Variants in C5orf47 observed in about 807,000 individuals in gnomAD.
C5orf47 encodes uncharacterized protein C5orf47.
Under a neutral mutation model 20.6 loss-of-function variants are expected in C5orf47, and 20 were observed. That is an observed-to-expected ratio of 0.97 (90% CI 0.68 to 1.41). C5orf47 has a LOEUF of 1.41. Among genes scored for constraint, C5orf47 ranks in the 40% most tolerant of loss-of-function variants. The pLI, the probability that C5orf47 is intolerant of heterozygous loss-of-function variation, is 0.00. For missense variants in C5orf47, 262 were observed against 238.4 expected (o/e 1.10, Z -0.65); for synonymous variants, 106 against 97.3 (o/e 1.09, Z -0.53).
rs1759279326 is a variant in C5orf47 at position 174,005,717 on chromosome 5, TAGTGAA to T, written c.*1464_*1469del. The T allele has an allele frequency of 6.6e-6, 1 of 152,386 alleles. No homozygotes were observed. The highest frequency in any genetic ancestry group is 2.1e-4 in the South Asian group (1 of 4,838). The allele number at this position is 152,386 out of a possible 1,614,324, so 9.4% of individuals were successfully genotyped here. On this transcript the variant is annotated 3_prime_UTR_variant, in exon 5 of 5. Coordinates refer to ENST00000340147, the MANE Select transcript of C5orf47 (RefSeq NM_001144954.2). ...GTAATTTATGCTGCATAAAGTTTTG[TAGTGAA>T]TGTGTATGAGAGTTTTAGGTTTGCT...
rs186160409 is a variant in C5orf47, at chr5:173,997,939, G to A, written c.326-214G>A. The stretch of plus-strand genomic sequence containing the variant: ...AAAGGAAGACTGAACTAGCTGGATG[G>A]TTTTCTGGGTACTTGCCAGATTATG... On this transcript the variant is annotated intron_variant, in intron 1 of 4. Coordinates refer to ENST00000340147, the MANE Select transcript of C5orf47 (RefSeq NM_001144954.2). 1.3e-4 allele frequency among the ~76,000 whole-genome samples: 20 copies of A among 152,262 alleles called. No homozygotes were observed. The East Asian group carries it at 3.9e-3, about 29-fold the overall frequency.
chr5:173,990,235 C>T (rs1437432497), intron 1 of C5orf47, among the ~76,000 whole-genome samples: 5 of 149,322 alleles, frequency 3.3e-5, no homozygotes, highest in Admixed American at 6.7e-5. Flanking sequence ...ACCTCAGCCT[C>T]CCGAGTAGCT....
intron 3 of C5orf47, among the ~76,000 whole-genome samples, chr5:174,000,347 C>T (rs1390987150): frequency 6.6e-6 from 1 of 151,860 alleles, no homozygotes; most frequent in Non-Finnish European, 1.5e-5. Context: ...GTGGTCAGAG[C>T]GAAATTAGAT....
chr5:173,995,828 T>TG lies in C5orf47; in HGVS notation c.326-2321dup, dbSNP rs562579141. Reference sequence around the variant, plus strand: ...ATAGTCACTGAAGATTTTTGAATGGTGGGGTGGAGTAAAGTTATCAGAGAC... The same window carrying TG: ...ATAGTCACTGAAGATTTTTGAATGGTGGGGGTGGAGTAAAGTTATCAGAGAC... On this transcript the variant is annotated intron_variant, in intron 1 of 4. Transcript: ENST00000340147. 1.0e-3 allele frequency among the ~76,000 whole-genome samples: 159 copies of TG among 152,286 alleles called. No individual in the cohort carries two copies. The South Asian group carries it at 0.015, about 14-fold the overall frequency.
rs969480183 is a variant in C5orf47, at chr5:173,989,177, C to G, written c.-87C>G. On this transcript the variant is annotated 5_prime_UTR_variant, in exon 1 of 5. Transcript: ENST00000340147. Reference sequence around the variant, plus strand: ...GCAGGGTGGTCTGGCCCTAACCGCTCCCGCATCCCTCGCCTGCACAGTGGG... The same window carrying G: ...GCAGGGTGGTCTGGCCCTAACCGCTGCCGCATCCCTCGCCTGCACAGTGGG... 2.4e-6 allele frequency: 3 copies of G among 1,232,826 alleles called. No individual in the cohort carries two copies. Among genetic ancestry groups the G allele is most frequent in the Admixed American group, 8.1e-5 (2 of 24,654 alleles). The allele number at this position is 1,232,826 out of a possible 1,614,324, so 76.4% of individuals were successfully genotyped here. A position where few individuals can be genotyped will look rare whatever the true frequency, so the allele number is the denominator to read the frequency against.
At position 174,001,228 on chromosome 5, in the gene C5orf47, TCTG is replaced by T; in HGVS notation, c.*14_*16del. 6.9e-7 allele frequency: 1 copy of T among 1,444,646 alleles called. No individual in the cohort carries two copies. Among genetic ancestry groups the T allele is most frequent in the Non-Finnish European group, 9.5e-7 (1 of 1,055,506 alleles). 89.5% of individuals were successfully genotyped at this position (1,444,646 alleles called of 1,614,324 possible). Reference sequence around the variant, plus strand: ...TTACACAAGATGAATCTTCTTATCTTCTGGTAAGAATTTATTTACGTAATAATT... The same window carrying T: ...TTACACAAGATGAATCTTCTTATCTTGTAAGAATTTATTTACGTAATAATT... On this transcript the variant is annotated splice_region_variant and 3_prime_UTR_variant, in exon 4 of 5. Transcript: ENST00000340147.
chr5:173,998,111 C>T, intron 1 of C5orf47, 42 bp from the exon 2 acceptor site: 1 of 1,141,844 alleles, frequency 8.8e-7, no homozygotes. Context: ...GATAGTAAAT[C>T]CTTATATATG....
intron 2 of C5orf47, 46 bp from the exon 3 acceptor site, chr5:173,999,654 C>G (rs1759161248): frequency 1.1e-6 from 1 of 900,974 alleles, no homozygotes. Context: ...AAAATATATT[C>G]CTACTTTTCT....
chr5:173,997,941 T>G (rs558097034), intron 1 of C5orf47, among the ~76,000 whole-genome samples: 7 of 152,264 alleles, frequency 4.6e-5, no homozygotes, highest in Non-Finnish European at 8.8e-5. Flanking sequence ...GCTGGATGGT[T>G]TTCTGGGTAC....
intron 1 of C5orf47, among the ~76,000 whole-genome samples, chr5:173,992,182 A>G (rs1305563259): frequency 6.9e-6 from 1 of 145,424 alleles, no homozygotes; most frequent in Non-Finnish European, 1.5e-5. Context: ...ATATATGTGC[A>G]CTCTGTCTTT....
At chr5:173,993,608 C>T (rs1759037846) in intron 1 of C5orf47, among the ~76,000 whole-genome samples, 1 of 152,132 alleles carries the variant, frequency 6.6e-6, no homozygotes, top group Non-Finnish European at 1.5e-5. Flanking sequence ...CGTGCCACTG[C>T]ACTCCAGCCT....
chr5:173,989,959 C>T (rs1039129321), intron 1 of C5orf47, among the ~76,000 whole-genome samples: 2 of 152,186 alleles, frequency 1.3e-5, no homozygotes, highest in Non-Finnish European at 2.9e-5. Flanking sequence ...ACAGCATGAG[C>T]TTTACGTTTA....
chr5:173,996,692 T>C (rs1759105300), intron 1 of C5orf47, among the ~76,000 whole-genome samples: 1 of 152,230 alleles, frequency 6.6e-6, no homozygotes, highest in African/African-American at 2.4e-5. Context: ...TTTAAATTAT[T>C]ACTTCAGTGG....
intron 1 of C5orf47, among the ~76,000 whole-genome samples, chr5:173,990,892 A>G (rs1379422511): frequency 6.6e-6 from 1 of 151,240 alleles, no homozygotes; most frequent in Non-Finnish European, 1.5e-5. Flanking sequence ...GCTTTATTAA[A>G]CTATAGTTCA....
chr5:174,003,375 A>G (rs1164980702), intron 4 of C5orf47, among the ~76,000 whole-genome samples: 4 of 152,304 alleles, frequency 2.6e-5, no homozygotes, highest in Non-Finnish European at 5.9e-5. Context: ...GAGAGGAGAT[A>G]GATGATCAGG....
intron 1 of C5orf47, among the ~76,000 whole-genome samples, chr5:173,994,320 C>A (rs1406953317): frequency 1.3e-5 from 2 of 152,210 alleles, no homozygotes; most frequent in Admixed American, 1.3e-4. Flanking sequence ...ATCTGACTGG[C>A]AGCAGACCAC....
intron 4 of C5orf47, among the ~76,000 whole-genome samples, chr5:174,001,948 T>TC (rs1759205091): frequency 7.4e-6 from 1 of 135,002 alleles, no homozygotes; most frequent in African/African-American, 3.0e-5. Flanking sequence ...ATCTTTTTTC[T>TC]TTTTTTTTTC....
chr5:174,004,510 A>C lies in C5orf47; in HGVS notation c.*256A>C, dbSNP rs937193959. 3.0e-4 allele frequency: 45 copies of C among 152,258 alleles called. No homozygotes were observed. Among genetic ancestry groups the C allele is most frequent in the African/African-American group, 1.1e-3 (44 of 41,452 alleles). The allele number at this position is 152,258 out of a possible 1,614,324, so 9.4% of individuals were successfully genotyped here. A position where few individuals can be genotyped will look rare whatever the true frequency, so the allele number is the denominator to read the frequency against. On this transcript the variant is annotated 3_prime_UTR_variant, in exon 5 of 5. Transcript: ENST00000340147. ...AGTGTTATTTTCAGAATTAATGCTT[A>C]TTCTACATACTTTTAAATTAACCTC...
rs904354265 is a variant in C5orf47, at chr5:173,989,238, C to T, written c.-26C>T. On this transcript the variant is annotated 5_prime_UTR_variant, in exon 1 of 5. Coordinates refer to ENST00000340147, the MANE Select transcript of C5orf47 (RefSeq NM_001144954.2). ...CCTGTGGCGTCGTGTTTGCTGAGGGCCCGGCTGCCGTTGACTGAGGCTGCG... is the reference window on the plus strand; with the variant it reads ...CCTGTGGCGTCGTGTTTGCTGAGGGTCCGGCTGCCGTTGACTGAGGCTGCG... 5 of 1,372,048 alleles carry T rather than the reference C, an allele frequency of 3.6e-6. No homozygotes were observed. The African/African-American group carries it at 4.6e-5, about 13-fold the overall frequency. The allele number at this position is 1,372,048 out of a possible 1,614,324, so 85.0% of individuals were successfully genotyped here. A position where few individuals can be genotyped will look rare whatever the true frequency, so the allele number is the denominator to read the frequency against.
Sources: gnomAD v4.1 joint callset for allele counts (sites outside exome capture counted in the v4.1 genomes callset) on GRCh38, gnomAD v4.1.1 for gene constraint, MANE v1.5 for transcripts, NCBI Gene and HGNC (gene_info 2026-07-23, HGNC 2026-07-21) for gene names.